PIP5K1B: variants seen among roughly 807,000 people sequenced by gnomAD.
PIP5K1B encodes the protein phosphatidylinositol-4-phosphate 5-kinase type 1 beta.
A neutral mutation model predicts 67.0 loss-of-function variants in PIP5K1B; 42 were observed. The ratio of observed to expected loss-of-function variants is 0.63; its 90% CI spans 0.49 to 0.81. The LOEUF (loss-of-function observed/expected upper bound fraction) is 0.81, where lower values mean the gene tolerates loss of function less well. PIP5K1B is among the 30% of genes least tolerant of loss of function. PIP5K1B has a pLI of 0.00. For missense variants in PIP5K1B, 459 were observed against 646.3 expected, an observed-to-expected ratio of 0.71 and a Z score of 3.14; for synonymous variants, 214 against 231.4, an observed-to-expected ratio of 0.92 and a Z score of 0.68.
chr9:68,991,182 G>GA lies in PIP5K1B; in HGVS notation c.1546dup (p.Thr516AsnfsTer7), dbSNP rs1216517248. The GA allele has an allele frequency of 2.5e-6, 4 of 1,611,598 alleles. No individual in the cohort carries two copies. The highest frequency in any genetic ancestry group is 3.4e-6 in the Non-Finnish European group (4 of 1,177,864). On this transcript the variant is annotated frameshift_variant, in exon 15 of 16. Transcript: ENST00000265382. LOFTEE classifies it high-confidence loss of function. ...GTTCAACATTTACCTTGGAAGAGGG[G>GA]ACCATCTACTTGACCGCTGAGCCCA...
intron 2 of PIP5K1B, among the ~76,000 whole-genome samples, chr9:68,799,990 G>T (rs1361236941): frequency 6.6e-6 from 1 of 151,966 alleles, no homozygotes; most frequent in African/African-American, 2.4e-5. Flanking sequence ...ATCTGAAAAG[G>T]GGTTAATATT....
chr9:68,893,082 TA>T (rs201081679), intron 7 of PIP5K1B, among the ~76,000 whole-genome samples: 175 of 145,984 alleles, frequency 1.2e-3, no homozygotes, highest in African/African-American at 4.1e-3. Flanking sequence ...CTCAAAAAAT[TA>T]AAAAAAAAAA....
In PIP5K1B at chr9:68,912,874, A is replaced by G. The variant is rs140940075; in HGVS notation, c.772-4674A>G. Among the ~76,000 whole-genome samples, 816 of 152,324 alleles carry G rather than the reference A, an allele frequency of 5.4e-3. 5 individuals are homozygous for G. The highest frequency in any genetic ancestry group is 0.018 in the African/African-American group (751 of 41,578). On this transcript the variant is annotated intron_variant, in intron 8 of 15. Transcript: ENST00000265382. ...CTTTAGTCATGAAGAGAGGATGGCA[A>G]TGCCTATGATTCTGAGTTAGGATAT...
At chr9:68,775,093 T>C (rs1830851077) in intron 2 of PIP5K1B, among the ~76,000 whole-genome samples, 1 of 152,216 alleles carries the variant, frequency 6.6e-6, no homozygotes, top group African/African-American at 2.4e-5. Context: ...GCTGAAATCT[T>C]CATATAGGCT....
At chr9:68,903,009 G>A (rs531423017) in intron 8 of PIP5K1B, among the ~76,000 whole-genome samples, 2 of 152,302 alleles carry the variant, frequency 1.3e-5, no homozygotes, top group African/African-American at 4.8e-5. Flanking sequence ...AAAGGCCTGC[G>A]ATACAGGAGT....
chr9:68,953,277 C>G (rs1828189218), intron 14 of PIP5K1B, among the ~76,000 whole-genome samples: 1 of 151,952 alleles, frequency 6.6e-6, no homozygotes, highest in South Asian at 2.1e-4. Context: ...TTTTTGTTCG[C>G]TGAGATTTTA....
chr9:68,710,798 A>G (rs1223983682), intron 1 of PIP5K1B, among the ~76,000 whole-genome samples: 1 of 152,256 alleles, frequency 6.6e-6, no homozygotes, highest in Admixed American at 6.5e-5. Flanking sequence ...TATGGGACTC[A>G]ATAAACAATG....
intron 2 of PIP5K1B, among the ~76,000 whole-genome samples, chr9:68,766,886 T>G (rs1830453058): frequency 6.6e-6 from 1 of 152,188 alleles, no homozygotes; most frequent in South Asian, 2.1e-4. Flanking sequence ...AAAATTTACT[T>G]TATTAAAGTG....
chr9:68,790,750 T>C (rs1233476135), intron 2 of PIP5K1B, among the ~76,000 whole-genome samples: 3 of 152,200 alleles, frequency 2.0e-5, no homozygotes, highest in South Asian at 2.1e-4. Flanking sequence ...TTGTAAATGA[T>C]ACTGAACTAT....
At position 68,734,346 on chromosome 9, in the gene PIP5K1B, A is replaced by G. The variant is rs868581230; in HGVS notation, c.-242-8155A>G. On this transcript the variant is annotated intron_variant, in intron 1 of 15. Coordinates refer to ENST00000265382, the MANE Select transcript of PIP5K1B (RefSeq NM_003558.4). ...AGTGAGACAGGTTTTATTAGAGTTC[A>G]GAGGAGAGAAAGATCACTCCTATGT... 2.6e-5 allele frequency among the ~76,000 whole-genome samples: 4 copies of G among 152,354 alleles called. 1 individual carries two copies. Among genetic ancestry groups the G allele is most frequent in the African/African-American group, 7.2e-5 (3 of 41,588 alleles).
intron 14 of PIP5K1B, chr9:68,966,358 A>ACCTTT (rs1182484543): frequency 6.6e-6 from 1 of 152,240 alleles, no homozygotes; most frequent in Non-Finnish European, 1.5e-5. Flanking sequence ...GCAGTAGAGA[A>ACCTTT]GCCTGGTAAA....
At chr9:68,727,268 A>G (rs1177672256) in intron 1 of PIP5K1B, among the ~76,000 whole-genome samples, 4 of 152,198 alleles carry the variant, frequency 2.6e-5, no homozygotes, top group Non-Finnish European at 5.9e-5. Context: ...TTTGAAGAAC[A>G]GTTACCTTGG....
chr9:68,736,733 C>T (rs751308518), intron 1 of PIP5K1B, among the ~76,000 whole-genome samples: 3 of 152,222 alleles, frequency 2.0e-5, no homozygotes, highest in Non-Finnish European at 4.4e-5. Context: ...CTATTCTGAA[C>T]CTCCTGTCTC....
chr9:68,966,433 C>A (rs1414312521), intron 14 of PIP5K1B: 1 of 152,194 alleles, frequency 6.6e-6, no homozygotes, highest in Non-Finnish European at 1.5e-5. Context: ...TAGTGCATAA[C>A]CTTGACTTAA....
rs1246281201 is a variant in PIP5K1B at position 68,923,374 on chromosome 9, A to G, written c.1189A>G (p.Lys397Glu). Residue 397 changes from lysine to glutamate, a missense_variant, in exon 12 of 16, where the codon AAG (lysine) becomes GAG (glutamate). By Grantham distance (56) the Lys-to-Glu change is moderately conservative. Around this residue, in one of 2 missense-constraint regions of PIP5K1B, gnomAD observed 169 missense variants for 171.9 expected, o/e 0.98. Coordinates refer to ENST00000265382, the MANE Select transcript of PIP5K1B (RefSeq NM_003558.4). ...TAAGTTCATGAATTCCAGAGTTTTC[A>G]AGAAAATTCAAGGTAAGATTCTTAT... The part of the protein sequence containing the change: ...FLKFMNSRVF[K>E]KIQALKASPS... 1 of 1,562,304 alleles carries G rather than the reference A, an allele frequency of 6.4e-7. No homozygotes were observed. The highest frequency in any genetic ancestry group is 8.8e-7 in the Non-Finnish European group (1 of 1,140,370).
At position 68,821,089 on chromosome 9, in the gene PIP5K1B, G is replaced by A. The variant is rs181062139; in HGVS notation, c.1-1526G>A. The stretch of plus-strand genomic sequence containing the variant: ...GCTTAGGAGTTCGAGACCAGCCTGG[G>A]CAGCATGGCAAAACCCTGTCTCTAA... On this transcript the variant is annotated intron_variant, in intron 3 of 15. Coordinates refer to ENST00000265382, the MANE Select transcript of PIP5K1B (RefSeq NM_003558.4). Among the ~76,000 whole-genome samples the A allele has an allele frequency of 2.0e-5, 3 of 152,220 alleles. No individual in the cohort carries two copies. The East Asian group carries it at 5.8e-4, about 29-fold the overall frequency.
chr9:68,862,529 C>A (rs915805550), intron 4 of PIP5K1B, among the ~76,000 whole-genome samples: 8 of 152,088 alleles, frequency 5.3e-5, no homozygotes, highest in African/African-American at 1.9e-4. Context: ...CATGGTGGCT[C>A]ACACCTGTAA....
intron 13 of PIP5K1B, among the ~76,000 whole-genome samples, chr9:68,939,663 T>A (rs62569164): frequency 3.3e-5 from 5 of 152,212 alleles, no homozygotes; most frequent in Non-Finnish European, 4.4e-5. Context: ...GTCGTCTGAT[T>A]TCCCAGACTA....
chr9:68,879,399 C>T (rs1224825944), intron 6 of PIP5K1B, among the ~76,000 whole-genome samples: 2 of 152,068 alleles, frequency 1.3e-5, no homozygotes, highest in African/African-American at 4.8e-5. Context: ...GAAACCCCGT[C>T]TCTACTAAAA....
Sources: gnomAD v4.1 joint callset for allele counts (sites outside exome capture counted in the v4.1 genomes callset) on GRCh38, gnomAD v4.1.1 for gene constraint, gnomAD v4.1.1 regional missense constraint, MANE v1.5 for transcripts, NCBI Gene and HGNC (gene_info 2026-07-23, HGNC 2026-07-21) for gene names.